The following SHISA9 variants were observed in gnomAD, a reference collection of about 807,000 sequenced individuals.
SHISA9 encodes protein shisa-9.
In SHISA9, 13 loss-of-function variants were observed where a neutral mutation model predicts 38.0. The ratio of observed to expected loss-of-function variants is 0.34; its 90% CI spans 0.22 to 0.54. The LOEUF (loss-of-function observed/expected upper bound fraction) is 0.54. Ranked by LOEUF, SHISA9 falls within the 20% of genes least tolerant of loss-of-function variation. The probability of loss-of-function intolerance (pLI) is 0.91; values close to 1 mark genes in which losing one functional copy is unlikely to be tolerated. For synonymous variants in SHISA9, 275 were observed against 242.0 expected (o/e 1.14, Z -1.27); for missense variants, 538 against 575.8 (o/e 0.93, Z 0.67).
intron 2 of SHISA9, among the ~76,000 whole-genome samples, chr16:12,934,082 G>C (rs147771344): frequency 3.9e-5 from 6 of 152,270 alleles, no homozygotes; most frequent in African/African-American, 1.2e-4. Context: ...ATGTGCAAAG[G>C]CCCTGAGACA....
intron 2 of SHISA9, among the ~76,000 whole-genome samples, chr16:13,154,502 A>G (rs2050526157): frequency 1.3e-5 from 2 of 152,198 alleles, no homozygotes; most frequent in South Asian, 4.1e-4. Context: ...TGATCCAGAT[A>G]GAAGTTGCTC....
intron 2 of SHISA9, among the ~76,000 whole-genome samples, chr16:12,966,931 A>G (rs144283697): frequency 0.013 from 2,052 of 152,278 alleles, 47 homozygotes; most frequent in African/African-American, 0.047. Context: ...TAGCCATTCA[A>G]CAGGTTTCCT....
At chr16:13,243,719 T>C (rs546070060), downstream of SHISA9, among the ~76,000 whole-genome samples, 62 of 151,354 alleles carry the variant, frequency 4.1e-4, no homozygotes, top group Non-Finnish European at 8.1e-4. Context: ...CTTCATGGCC[T>C]GAACCAGTGT....
chr16:13,512,040 G>A, the SHISA9 span, among the ~76,000 whole-genome samples: 3 of 152,042 alleles, frequency 2.0e-5, no homozygotes, highest in African/African-American at 4.8e-5. Flanking sequence ...CCTGGAGAGT[G>A]GTGCAAAATT....
chr16:12,903,978 G>A (rs904958745), intron 1 of SHISA9, among the ~76,000 whole-genome samples: 1 of 152,080 alleles, frequency 6.6e-6, no homozygotes, highest in African/African-American at 2.4e-5. Context: ...GATTTTGGGG[G>A]AAGAGGTGAG....
chr16:12,995,150 CAT>C lies in SHISA9; in HGVS notation c.691+78336_691+78337del, dbSNP rs886748572. On this transcript the variant is annotated intron_variant, in intron 2 of 4. Transcript: ENST00000558583. ...ATGGGGTACATGAGATATTTTGAAA[CAT>C]GTGTGCAAGGTGTAAAAATCACATC... is the stretch of plus-strand genomic sequence containing the variant. Among the ~76,000 whole-genome samples, 8 of 152,016 alleles carry C rather than the reference CAT, an allele frequency of 5.3e-5. No homozygotes were observed. In the South Asian group the frequency reaches 1.0e-3, roughly 20 times the overall value.
At chr16:13,034,155 A>G (rs924309769) in intron 2 of SHISA9, among the ~76,000 whole-genome samples, 60 of 151,816 alleles carry the variant, frequency 4.0e-4, no homozygotes, top group Admixed American at 1.6e-3. Context: ...TCAAAAAAAA[A>G]AAAAAAATAC....
the SHISA9 span, among the ~76,000 whole-genome samples, chr16:13,517,468 C>T: frequency 6.6e-6 from 1 of 152,218 alleles, no homozygotes; most frequent in East Asian, 1.9e-4. Context: ...CTTGTATCTC[C>T]TGAATTAGCC....
At chr16:13,141,786 T>A (rs1051795874) in intron 2 of SHISA9, among the ~76,000 whole-genome samples, 3 of 152,194 alleles carry the variant, frequency 2.0e-5, no homozygotes, top group Non-Finnish European at 4.4e-5. Context: ...GTCATTTAAG[T>A]CTTTCAATTA....
intron 2 of SHISA9, among the ~76,000 whole-genome samples, chr16:13,183,253 A>T (rs1448409909): frequency 3.3e-5 from 5 of 152,146 alleles, no homozygotes; most frequent in Non-Finnish European, 7.4e-5. Flanking sequence ...CAAAGTCCGT[A>T]TGAGAGAGGG....
chr16:13,474,081 A>C, the SHISA9 span: 4 of 152,226 alleles, frequency 2.6e-5, no homozygotes, highest in African/African-American at 9.7e-5. Flanking sequence ...GGGTGTGAGC[A>C]CTAGACTGAC....
chr16:13,073,773 C>T (rs995418318), intron 2 of SHISA9, among the ~76,000 whole-genome samples: 3 of 151,934 alleles, frequency 2.0e-5, no homozygotes, highest in Non-Finnish European at 2.9e-5. Flanking sequence ...CAGAGAAGGC[C>T]ATGTGAATGG....
At chr16:12,970,671 G>A (rs1017052406) in intron 2 of SHISA9, among the ~76,000 whole-genome samples, 11 of 148,998 alleles carry the variant, frequency 7.4e-5, no homozygotes, top group African/African-American at 2.5e-4. Context: ...CCACCACACC[G>A]GCTATTTTTG....
intron 2 of SHISA9, among the ~76,000 whole-genome samples, chr16:12,981,506 T>C (rs2072239780): frequency 6.6e-6 from 1 of 152,154 alleles, no homozygotes; most frequent in African/African-American, 2.4e-5. Context: ...ACGCAGCCAC[T>C]CCAGTAGTTT....
intron 2 of SHISA9, among the ~76,000 whole-genome samples, chr16:12,984,947 C>T (rs1354092): frequency 9.2e-5 from 14 of 152,112 alleles, no homozygotes; most frequent in Admixed American, 2.6e-4. Flanking sequence ...CCAGAGCTCC[C>T]GACGGGATTA....
intron 2 of SHISA9, among the ~76,000 whole-genome samples, chr16:12,935,138 C>T (rs2071512438): frequency 6.6e-6 from 1 of 152,142 alleles, no homozygotes; most frequent in Non-Finnish European, 1.5e-5. Context: ...GTGACAGTCT[C>T]ACCAAAACTG....
chr16:13,485,928 A>G, the SHISA9 span, among the ~76,000 whole-genome samples: 2 of 152,202 alleles, frequency 1.3e-5, no homozygotes, highest in African/African-American at 4.8e-5. Flanking sequence ...ATGTAACATA[A>G]TGACCTTTGG....
chr16:12,997,922 T>C (rs565374041), intron 2 of SHISA9, among the ~76,000 whole-genome samples: 1 of 152,174 alleles, frequency 6.6e-6, no homozygotes. Context: ...GCTTAAACGG[T>C]GCCTTCTCGT....
At chr16:13,171,892 TCTCTC>T (rs1466269330) in intron 2 of SHISA9, among the ~76,000 whole-genome samples, 1 of 152,140 alleles carries the variant, frequency 6.6e-6, no homozygotes, top group Non-Finnish European at 1.5e-5. Context: ...TCTCTCGGAT[TCTCTC>T]CTCATTTGTT....
Sources: gnomAD v4.1 joint callset for allele counts (sites outside exome capture counted in the v4.1 genomes callset) on GRCh38, gnomAD v4.1.1 for gene constraint, MANE v1.5 for transcripts, NCBI Gene and HGNC (gene_info 2026-07-23, HGNC 2026-07-21) for gene names.